TENM3: variants seen among roughly 807,000 people sequenced by gnomAD.
TENM3 encodes the protein teneurin transmembrane protein 3, also known as teneurin-3.
In TENM3, 63 loss-of-function variants were observed where a neutral mutation model predicts 255.1. That is an observed-to-expected ratio of 0.25 (90% CI 0.20 to 0.30). The LOEUF (loss-of-function observed/expected upper bound fraction) is 0.30. TENM3 is among the 10% of genes least tolerant of loss of function. TENM3 has a pLI of 1.00. For missense variants in TENM3, 2,929 were observed against 3,461.1 expected (o/e 0.85, Z 3.86); for synonymous variants, 1,306 against 1,322.3 (o/e 0.99, Z 0.27).
intron 11 of TENM3, among the ~76,000 whole-genome samples, chr4:182,687,641 C>T (rs1756685815): frequency 6.6e-6 from 1 of 152,166 alleles, no homozygotes; most frequent in Admixed American, 6.5e-5. Flanking sequence ...AGCTAATTTA[C>T]TTAAGTAGAT....
At chr4:182,417,132 C>T (rs1370168417) in intron 3 of TENM3, among the ~76,000 whole-genome samples, 1 of 152,034 alleles carries the variant, frequency 6.6e-6, no homozygotes, top group Non-Finnish European at 1.5e-5. Flanking sequence ...TGCCACCACG[C>T]CCAGCTAATT....
the TENM3 span, among the ~76,000 whole-genome samples, chr4:181,845,162 G>A: frequency 6.6e-6 from 1 of 152,022 alleles, no homozygotes; most frequent in Non-Finnish European, 1.5e-5. Flanking sequence ...TGTTTTCTAC[G>A]AAATTTTTTC....
In TENM3 at chr4:182,730,212, C is replaced by T. The variant is rs751608728; in HGVS notation, c.2598C>T (p.Val866=). 1 of 1,613,772 alleles carries T rather than the reference C, an allele frequency of 6.2e-7. No individual in the cohort carries two copies. The highest frequency in any genetic ancestry group is 1.1e-5 in the South Asian group (1 of 91,040). Residue 866 remains valine, a synonymous_variant, in exon 15 of 28, where the codon GTC becomes GTT. Coordinates refer to ENST00000511685, the MANE Select transcript of TENM3 (RefSeq NM_001080477.4). ...ESPFNKSLAS[V]IRGQVLTADG... is the part of the protein sequence containing the mutation. ...GCTTTTCCAACAGCCTTGCATCTGTCATCAGAGGCCAAGTACTGACTGCTG... is the reference window on the plus strand; with the variant it reads ...GCTTTTCCAACAGCCTTGCATCTGTTATCAGAGGCCAAGTACTGACTGCTG...
chr4:181,837,697 A>T, the TENM3 span, among the ~76,000 whole-genome samples: 1 of 152,206 alleles, frequency 6.6e-6, no homozygotes. Flanking sequence ...GCAGATGATC[A>T]AAAGAAAGAT....
intron 3 of TENM3, among the ~76,000 whole-genome samples, chr4:182,510,511 A>G (rs1283009314): frequency 1.3e-5 from 2 of 152,174 alleles, no homozygotes; most frequent in African/African-American, 4.8e-5. Context: ...TTTTCTAGTT[A>G]TTCCAGTTCT....
intron 3 of TENM3, among the ~76,000 whole-genome samples, chr4:182,542,086 C>A (rs1464902223): frequency 6.6e-6 from 1 of 152,000 alleles, no homozygotes; most frequent in Non-Finnish European, 1.5e-5. Flanking sequence ...GTAGTGACAG[C>A]CATATATAGC....
the TENM3 span, among the ~76,000 whole-genome samples, chr4:181,709,261 C>A: frequency 6.6e-6 from 1 of 152,116 alleles, no homozygotes; most frequent in African/African-American, 2.4e-5. Context: ...TATTGTTTTG[C>A]CTGCTACAGG....
At chr4:181,756,301 C>T in the TENM3 span, among the ~76,000 whole-genome samples, 2 of 152,184 alleles carry the variant, frequency 1.3e-5, no homozygotes, top group Non-Finnish European at 2.9e-5. Context: ...GCAACTTAAA[C>T]TTAGACAGCC....
At position 182,628,731 on chromosome 4, in the gene TENM3, C is replaced by T. The variant is rs756137248; in HGVS notation, c.830C>T (p.Ser277Phe). 2 of 1,609,402 alleles carry T rather than the reference C, an allele frequency of 1.2e-6. No individual in the cohort carries two copies. The highest frequency in any genetic ancestry group is 1.7e-5 in the Admixed American group (1 of 59,392). ...CCAGGATACACAATGGCATCTGGCTCTGTTTATTCACCACCTACTCGGCCA... is the reference window on the plus strand; with the variant it reads ...CCAGGATACACAATGGCATCTGGCTTTGTTTATTCACCACCTACTCGGCCA... ...ATPGYTMASGSVYSPPTRPLP... is the reference protein window; with the variant it reads ...ATPGYTMASGFVYSPPTRPLP... Residue 277 changes from serine (S) to phenylalanine (F), a missense_variant, in exon 5 of 28, where the codon TCT becomes TTT. Physicochemically the swap from Ser to Phe is radical, Grantham distance 155. Transcript: ENST00000511685.
At chr4:182,703,874 A>T (rs1316802644) in intron 12 of TENM3, among the ~76,000 whole-genome samples, 1 of 152,176 alleles carries the variant, frequency 6.6e-6, no homozygotes. Context: ...CTACCCATTG[A>T]TATTGCCCAG....
chr4:182,016,034 T>G, the TENM3 span, among the ~76,000 whole-genome samples: 1 of 152,228 alleles, frequency 6.6e-6, no homozygotes, highest in Non-Finnish European at 1.5e-5. Context: ...GGGAATCTGA[T>G]GTCATTTTCA....
chr4:181,639,103 G>GT, the TENM3 span, among the ~76,000 whole-genome samples: 2 of 152,072 alleles, frequency 1.3e-5, no homozygotes, highest in Non-Finnish European at 2.9e-5. Context: ...ACTTGTCCTT[G>GT]TTTAGTCCAT....
chr4:182,060,573 C>G, the TENM3 span, among the ~76,000 whole-genome samples: 2 of 152,166 alleles, frequency 1.3e-5, no homozygotes, highest in Non-Finnish European at 2.9e-5. Context: ...GCTAACAAGT[C>G]ACGGGCCCAT....
At chr4:182,589,690 C>T (rs1378671261) in intron 3 of TENM3, among the ~76,000 whole-genome samples, 7 of 151,828 alleles carry the variant, frequency 4.6e-5, no homozygotes, top group African/African-American at 9.7e-5. Context: ...AAACGGTTTG[C>T]GGCCGGGCGC....
chr4:182,250,556 T>C (rs893045606), intron 1 of TENM3, among the ~76,000 whole-genome samples: 14 of 152,198 alleles, frequency 9.2e-5, no homozygotes, highest in African/African-American at 3.4e-4. Context: ...CCCACTTCAG[T>C]GTACTACATG....
At chr4:181,989,557 G>GT in the TENM3 span, among the ~76,000 whole-genome samples, 1 of 152,068 alleles carries the variant, frequency 6.6e-6, no homozygotes, top group East Asian at 1.9e-4. Context: ...CAACATCTCC[G>GT]TTTAATCAGT....
intron 3 of TENM3, among the ~76,000 whole-genome samples, chr4:182,498,872 T>G (rs564640602): frequency 1.3e-5 from 2 of 151,772 alleles, no homozygotes; most frequent in Admixed American, 1.3e-4. Context: ...AAAAAAATTC[T>G]CAGCGTCTTA....
chr4:182,212,958 A>G (rs1755153434), intron 1 of TENM3, among the ~76,000 whole-genome samples: 1 of 152,186 alleles, frequency 6.6e-6, no homozygotes, highest in African/African-American at 2.4e-5. Flanking sequence ...CACATTATGA[A>G]CATCTATGCC....
chr4:181,716,595 T>C, the TENM3 span, among the ~76,000 whole-genome samples: 1 of 152,200 alleles, frequency 6.6e-6, no homozygotes, highest in Non-Finnish European at 1.5e-5. Context: ...CTATTTTTCT[T>C]AACTTCTCTG....
Sources: gnomAD v4.1 joint callset for allele counts (sites outside exome capture counted in the v4.1 genomes callset) on GRCh38, gnomAD v4.1.1 for gene constraint, MANE v1.5 for transcripts, NCBI Gene and HGNC (gene_info 2026-07-23, HGNC 2026-07-21) for gene names.